The following PTPN13 variants were observed in gnomAD, a reference collection of about 807,000 sequenced individuals.
The protein encoded by PTPN13 is tyrosine-protein phosphatase non-receptor type 13.
Under a neutral mutation model 284.0 loss-of-function variants are expected in PTPN13, and 191 were observed. The observed-to-expected ratio is 0.67, with a 90% confidence interval of 0.60 to 0.76. The LOEUF (loss-of-function observed/expected upper bound fraction) is 0.76, where lower values mean the gene tolerates loss of function less well. Among genes scored for constraint, PTPN13 ranks in the 30% least tolerant of loss-of-function variants. The probability of loss-of-function intolerance (pLI) is 0.00; values close to 1 mark genes in which losing one functional copy is unlikely to be tolerated. For synonymous variants in PTPN13, 986 were observed against 1,022.3 expected, an observed-to-expected ratio of 0.96 and a Z score of 0.68; for missense variants, 2,797 against 2,939.9, an observed-to-expected ratio of 0.95 and a Z score of 1.12.
intron 40 of PTPN13, among the ~76,000 whole-genome samples, chr4:86,787,103 C>CAAA (rs574178007): frequency 1.3e-4 from 16 of 127,416 alleles, no homozygotes; most frequent in African/African-American, 4.7e-4. Context: ...GACTCAGTCT[C>CAAA]AAAAAAAAAA....
At chr4:86,610,577 G>A (rs1411306204) in intron 1 of PTPN13, among the ~76,000 whole-genome samples, 2 of 152,350 alleles carry the variant, frequency 1.3e-5, no homozygotes, top group East Asian at 3.9e-4. Context: ...ACTAGATAAA[G>A]TGGGAAGCTA....
At chr4:86,695,859 GCAGA>G (rs936198911) in intron 6 of PTPN13, among the ~76,000 whole-genome samples, 4 of 151,850 alleles carry the variant, frequency 2.6e-5, no homozygotes, top group Middle Eastern at 3.2e-3. Context: ...ATTAATTTTT[GCAGA>G]CAGTGTATTT....
At chr4:86,640,973 A>G (rs1260028887) in intron 2 of PTPN13, among the ~76,000 whole-genome samples, 3 of 152,138 alleles carry the variant, frequency 2.0e-5, no homozygotes, top group African/African-American at 4.8e-5. Context: ...CAGTTTGAAG[A>G]TTACCAATTG....
chr4:86,649,820 GT>G (rs1724873469), intron 2 of PTPN13, among the ~76,000 whole-genome samples: 1 of 152,008 alleles, frequency 6.6e-6, no homozygotes, highest in African/African-American at 2.4e-5. Flanking sequence ...TTAGACATGC[GT>G]CATGTCTAAA....
At chr4:86,703,625 T>A (rs1174952560) in intron 7 of PTPN13, among the ~76,000 whole-genome samples, 1 of 151,432 alleles carries the variant, frequency 6.6e-6, no homozygotes, top group Non-Finnish European at 1.5e-5. Flanking sequence ...CTAGCACTTT[T>A]GGAGGTCAAG....
chr4:86,633,006 A>G (rs1356110342), intron 1 of PTPN13, among the ~76,000 whole-genome samples: 1 of 151,966 alleles, frequency 6.6e-6, no homozygotes, highest in African/African-American at 2.4e-5. Context: ...GGGTCTCCCC[A>G]TGTTGTCCAG....
chr4:86,787,775 T>C (rs1742161055), intron 40 of PTPN13, among the ~76,000 whole-genome samples: 1 of 152,220 alleles, frequency 6.6e-6, no homozygotes. Flanking sequence ...CACTTAACAA[T>C]CATTACCCTC....
intron 1 of PTPN13, among the ~76,000 whole-genome samples, chr4:86,608,384 C>G (rs530962937): frequency 6.6e-6 from 1 of 152,098 alleles, no homozygotes; most frequent in East Asian, 1.9e-4. Flanking sequence ...TTATGTTATT[C>G]TAGCCAATTC....
chr4:86,741,869 C>G (rs1025204710), intron 16 of PTPN13, 53 bp downstream of exon 16: 54 of 1,445,434 alleles, frequency 3.7e-5, no homozygotes, highest in Non-Finnish European at 4.6e-5. Context: ...TTACCAACTT[C>G]CAATGTAACA....
chr4:86,677,223 C>T (rs548778702), intron 3 of PTPN13, among the ~76,000 whole-genome samples: 107 of 151,626 alleles, frequency 7.1e-4, no homozygotes, highest in South Asian at 2.3e-3. Flanking sequence ...GCGGAGATCG[C>T]GCCACTGCAC....
At chr4:86,792,826 A>G (rs1317015660) in intron 40 of PTPN13, among the ~76,000 whole-genome samples, 1 of 152,362 alleles carries the variant, frequency 6.6e-6, no homozygotes, top group African/African-American at 2.4e-5. Context: ...TTTTGTCACC[A>G]CCAGGCCTGC....
At position 86,766,391 on chromosome 4, in the gene PTPN13, T is replaced by C. The variant is rs112112777; in HGVS notation, c.4244-41T>C. The C allele has an allele frequency of 2.8e-6, 4 of 1,448,844 alleles. No homozygotes were observed. The African/African-American group carries it at 5.7e-5, about 21-fold the overall frequency. The allele number at this position is 1,448,844 out of a possible 1,614,324, so 89.7% of individuals were successfully genotyped here. ...TAAGACCATAAGATTTAAAAGAACA[T>C]GTAGGATTTTTATTTATGATTTGAA... is the stretch of plus-strand genomic sequence containing the variant. On this transcript the variant is annotated intron_variant, in intron 26 of 47. Transcript: ENST00000411767.
intron 2 of PTPN13, among the ~76,000 whole-genome samples, chr4:86,667,297 A>C (rs539218522): frequency 4.6e-5 from 7 of 152,350 alleles, no homozygotes; most frequent in Admixed American, 3.9e-4. Flanking sequence ...CTTTAAAGAG[A>C]CTATGATTAT....
intron 20 of PTPN13, among the ~76,000 whole-genome samples, chr4:86,756,505 G>A (rs927908154): frequency 2.6e-5 from 4 of 151,892 alleles, no homozygotes; most frequent in Non-Finnish European, 5.9e-5. Context: ...TAGAAATACC[G>A]AATTACCACT....
chr4:86,772,782 C>T lies in PTPN13; in HGVS notation c.5173C>T (p.Pro1725Ser). The change falls in exon 32 of 48, where the codon CCT becomes TCT. Residue 1725 changes from proline to serine, a missense_variant. Pro to Ser is a moderately conservative substitution (Grantham distance 74, BLOSUM62 -1). Transcript: ENST00000411767. ...PNKPEFEDSNPSPLPPDMAPG... is the reference protein window; with the variant it reads ...PNKPEFEDSNSSPLPPDMAPG... ...CTTACTTCTTTGTCTCTGTAGTAAT[C>T]CTTCCCCTCTACCACCGGATATGGC... is the stretch of plus-strand genomic sequence containing the variant. 6.2e-7 allele frequency: 1 copy of T among 1,602,888 alleles called. No individual in the cohort carries two copies. The highest frequency in any genetic ancestry group is 1.7e-4 in the Middle Eastern group (1 of 6,008).
At chr4:86,627,506 TG>T (rs1272121969) in intron 1 of PTPN13, among the ~76,000 whole-genome samples, 1 of 142,610 alleles carries the variant, frequency 7.0e-6, no homozygotes, top group African/African-American at 2.5e-5. Flanking sequence ...GTTTAGTTTT[TG>T]GTTTTTTTTT....
intron 47 of PTPN13, among the ~76,000 whole-genome samples, chr4:86,812,690 C>G (rs953606033): frequency 3.9e-5 from 6 of 151,918 alleles, no homozygotes; most frequent in African/African-American, 1.5e-4. Flanking sequence ...CTTGAGTGTT[C>G]AGGTATGGTC....
intron 1 of PTPN13, among the ~76,000 whole-genome samples, chr4:86,615,312 G>A (rs990170481): frequency 6.6e-6 from 1 of 152,072 alleles, no homozygotes; most frequent in Non-Finnish European, 1.5e-5. Context: ...GAACCATAAA[G>A]ATGGTCAAAT....
chr4:86,750,981 T>C (rs900531989), intron 18 of PTPN13, 46 bp from the exon 19 acceptor site: 1 of 1,559,390 alleles, frequency 6.4e-7, no homozygotes, highest in African/African-American at 1.4e-5. Context: ...TTCACCATAT[T>C]TTTTTACATT....
Sources: allele counts gnomAD v4.1 joint callset (sites outside exome capture counted in the v4.1 genomes callset), GRCh38; gene constraint gnomAD v4.1.1; transcripts MANE v1.5; gene names NCBI Gene and HGNC (gene_info 2026-07-23, HGNC 2026-07-21).